The following BICC1 variants were observed in gnomAD, a reference collection of about 807,000 sequenced individuals.
BICC1 encodes the protein BicC family RNA binding protein 1.
In BICC1, 43 loss-of-function variants were observed where a neutral mutation model predicts 111.0. That is an observed-to-expected ratio of 0.39 (90% CI 0.30 to 0.50). BICC1 has a LOEUF of 0.50. Among genes scored for constraint, BICC1 ranks in the 20% least tolerant of loss-of-function variants. BICC1 has a pLI of 0.88. For synonymous variants in BICC1, 467 were observed against 434.4 expected, an observed-to-expected ratio of 1.07 and a Z score of -0.93; for missense variants, 1,091 against 1,203.2, an observed-to-expected ratio of 0.91 and a Z score of 1.38.
intron 3 of BICC1, among the ~76,000 whole-genome samples, chr10:58,763,811 G>C (rs962010701): frequency 6.6e-6 from 1 of 151,962 alleles, no homozygotes; most frequent in Non-Finnish European, 1.5e-5. Flanking sequence ...GGGAGGCTTG[G>C]AATAGAGGCC....
chr10:58,754,414 T>C (rs964162888), intron 3 of BICC1, among the ~76,000 whole-genome samples: 3 of 152,184 alleles, frequency 2.0e-5, no homozygotes, highest in African/African-American at 2.4e-5. Flanking sequence ...AATCCAAAAG[T>C]TGAAAATGTG....
chr10:58,651,116 C>G (rs1488919155), intron 2 of BICC1, among the ~76,000 whole-genome samples: 2 of 152,172 alleles, frequency 1.3e-5, no homozygotes, highest in African/African-American at 4.8e-5. Context: ...CTACCACGCT[C>G]TAAGCTTTGT....
At chr10:58,599,671 T>C (rs984111772) in intron 1 of BICC1, among the ~76,000 whole-genome samples, 2 of 152,070 alleles carry the variant, frequency 1.3e-5, no homozygotes, top group African/African-American at 4.8e-5. Context: ...TTCCTCTGAA[T>C]TTTCTTTTAC....
At chr10:58,814,190 T>C (rs1169640410) in intron 18 of BICC1, 1 of 666,506 alleles carries the variant, frequency 1.5e-6, no homozygotes, top group Non-Finnish European at 2.7e-6. Flanking sequence ...TGTGCGTGCT[T>C]TCACTCTAGC....
At position 58,586,414 on chromosome 10, in the gene BICC1, C is replaced by T. The variant is rs553982642; in HGVS notation, c.191-34441C>T. ...CTAAATATTTGCTGAGTACTTTCTC[C>T]GTGTCAGGCACTGCTGTTAACAGTG... On this transcript the variant is annotated intron_variant, in intron 1 of 20. Coordinates refer to ENST00000373886, the MANE Select transcript of BICC1 (RefSeq NM_001080512.3). Among the ~76,000 whole-genome samples the T allele has an allele frequency of 1.4e-4, 22 of 151,964 alleles. No individual in the cohort carries two copies. The East Asian group carries it at 3.5e-3, about 24-fold the overall frequency.
At chr10:58,754,541 T>C (rs1842084984) in intron 3 of BICC1, among the ~76,000 whole-genome samples, 1 of 152,206 alleles carries the variant, frequency 6.6e-6, no homozygotes. Context: ...TAAAGTCTCT[T>C]GCAGTTACAT....
chr10:58,658,601 C>T (rs922187491), intron 2 of BICC1, among the ~76,000 whole-genome samples: 5 of 152,060 alleles, frequency 3.3e-5, no homozygotes, highest in African/African-American at 9.7e-5. Context: ...CTCTTTTATT[C>T]CCTGTTTATC....
At chr10:58,611,743 G>A (rs990575634) in intron 1 of BICC1, among the ~76,000 whole-genome samples, 47 of 151,806 alleles carry the variant, frequency 3.1e-4, no homozygotes, top group Non-Finnish European at 6.3e-4. Context: ...TCCCACCTCG[G>A]CCTCCCAAAG....
At chr10:58,646,873 G>A (rs966627929) in intron 2 of BICC1, among the ~76,000 whole-genome samples, 8 of 151,736 alleles carry the variant, frequency 5.3e-5, no homozygotes, top group Admixed American at 1.3e-4. Context: ...ATTTCTTTTC[G>A]TAGGTTAATA....
chr10:58,764,087 A>G (rs1270878553), intron 3 of BICC1, among the ~76,000 whole-genome samples: 3 of 152,196 alleles, frequency 2.0e-5, no homozygotes, highest in Non-Finnish European at 4.4e-5. Flanking sequence ...TACACTTAAA[A>G]TGAAATAGGC....
At position 58,706,142 on chromosome 10, in the gene BICC1, C is replaced by T. The variant is rs576646042; in HGVS notation, c.307+3999C>T. On this transcript the variant is annotated intron_variant, in intron 3 of 20. Coordinates refer to ENST00000373886, the MANE Select transcript of BICC1 (RefSeq NM_001080512.3). ...AATTTGAGGTTTGTGCCTGTGAAACCAGTATTTAGGGATTAAGGTGTTTAA... is the reference window on the plus strand; with the variant it reads ...AATTTGAGGTTTGTGCCTGTGAAACTAGTATTTAGGGATTAAGGTGTTTAA... Among the ~76,000 whole-genome samples the T allele has an allele frequency of 6.6e-5, 10 of 152,230 alleles. No individual in the cohort carries two copies. In the East Asian group the frequency reaches 9.7e-4, roughly 15 times the overall value.
chr10:58,582,873 G>A (rs186706013), intron 1 of BICC1, among the ~76,000 whole-genome samples: 26 of 152,200 alleles, frequency 1.7e-4, no homozygotes, highest in African/African-American at 4.8e-4. Flanking sequence ...CTCAGAGAAC[G>A]CAGGATAATC....
chr10:58,662,545 C>T (rs1449073791), intron 2 of BICC1, among the ~76,000 whole-genome samples: 1 of 151,946 alleles, frequency 6.6e-6, no homozygotes, highest in South Asian at 2.1e-4. Context: ...CGAAAGCTCT[C>T]GAAAGGTGAA....
chr10:58,745,995 A>C (rs1841826677), intron 3 of BICC1, among the ~76,000 whole-genome samples: 1 of 152,126 alleles, frequency 6.6e-6, no homozygotes. Flanking sequence ...TACCACAGGC[A>C]GATGAGAGAG....
At chr10:58,630,154 A>T (rs1472010870) in intron 2 of BICC1, among the ~76,000 whole-genome samples, 1 of 152,052 alleles carries the variant, frequency 6.6e-6, no homozygotes, top group East Asian at 1.9e-4. Flanking sequence ...ACTCATCTCT[A>T]TTGAGTTAGG....
intron 1 of BICC1, among the ~76,000 whole-genome samples, chr10:58,568,758 C>A (rs146649385): frequency 2.0e-5 from 3 of 152,168 alleles, no homozygotes; most frequent in Non-Finnish European, 2.9e-5. Flanking sequence ...TCCCTTCTCC[C>A]CCTTGCCTTC....
chr10:58,624,959 A>G (rs1312491130), intron 2 of BICC1, among the ~76,000 whole-genome samples: 1 of 152,210 alleles, frequency 6.6e-6, no homozygotes, highest in African/African-American at 2.4e-5. Context: ...TATATTAAAA[A>G]TATATATAAA....
At chr10:58,698,767 CT>C (rs1407850484) in intron 2 of BICC1, among the ~76,000 whole-genome samples, 1 of 152,118 alleles carries the variant, frequency 6.6e-6, no homozygotes, top group Non-Finnish European at 1.5e-5. Context: ...TTTGGGTTTT[CT>C]TAAGTTCTCA....
intron 17 of BICC1, 65 bp downstream of exon 17, chr10:58,807,223 C>A: frequency 6.8e-7 from 1 of 1,466,036 alleles, no homozygotes; most frequent in Non-Finnish European, 9.3e-7. Context: ...GACAGTCCTT[C>A]CCCCACCCTC....
Sources: allele counts gnomAD v4.1 joint callset (sites outside exome capture counted in the v4.1 genomes callset), GRCh38; gene constraint gnomAD v4.1.1; transcripts MANE v1.5; gene names NCBI Gene and HGNC (gene_info 2026-07-23, HGNC 2026-07-21).